EZH1: variants seen among roughly 807,000 people sequenced by gnomAD.
The protein encoded by EZH1 is histone-lysine N-methyltransferase EZH1.
In EZH1, 33 loss-of-function variants were observed where a neutral mutation model predicts 100.5. That is an observed-to-expected ratio of 0.33 (90% CI 0.25 to 0.44). The LOEUF (loss-of-function observed/expected upper bound fraction) is 0.44. Ranked by LOEUF, EZH1 falls within the 20% of genes least tolerant of loss-of-function variation. The pLI is 1.00. For synonymous variants in EZH1, 272 were observed against 313.8 expected, an observed-to-expected ratio of 0.87 and a Z score of 1.41; for missense variants, 475 against 928.4, an observed-to-expected ratio of 0.51 and a Z score of 6.35.
intron 5 of EZH1, 36 bp from the exon 6 acceptor site, chr17:42,722,951 C>A: frequency 6.2e-7 from 1 of 1,602,002 alleles, no homozygotes; most frequent in Non-Finnish European, 8.5e-7. Context: ...TTCCATGAAG[C>A]CATCATGCAT....
At chr17:42,743,469 C>CTT (rs756192995) in intron 1 of EZH1, among the ~76,000 whole-genome samples, 3 of 143,268 alleles carry the variant, frequency 2.1e-5, no homozygotes, top group Non-Finnish European at 3.1e-5. Context: ...CCGTGCCAGG[C>CTT]TTTTTTTTTT....
At chr17:42,738,727 C>T (rs1338005788) in intron 1 of EZH1, among the ~76,000 whole-genome samples, 1 of 148,358 alleles carries the variant, frequency 6.7e-6, no homozygotes, top group Non-Finnish European at 1.5e-5. Context: ...GCTGGGATTA[C>T]AGGCGTAAGC....
chr17:42,712,172 G>A (rs2053496419), intron 12 of EZH1, 117 bp downstream of exon 12: 1 of 1,115,382 alleles, frequency 9.0e-7, no homozygotes, highest in Non-Finnish European at 1.3e-6. Context: ...ATCAGGGACT[G>A]AACTTAAGAC....
intron 18 of EZH1, 47 bp downstream of exon 18, chr17:42,704,555 G>GA (rs536788076): frequency 0.084 from 88,523 of 1,051,078 alleles, 6 homozygotes; most frequent in East Asian, 0.099. Context: ...CTCAAAAAAA[G>GA]AAAAAAAAAA....
At chr17:42,742,576 T>C (rs185469586) in intron 1 of EZH1, among the ~76,000 whole-genome samples, 1 of 152,270 alleles carries the variant, frequency 6.6e-6, no homozygotes, top group African/African-American at 2.4e-5. Context: ...TTACTGACAA[T>C]ACTAGCATCC....
chr17:42,717,381 G>A (rs1010979771), intron 10 of EZH1, among the ~76,000 whole-genome samples: 5 of 152,162 alleles, frequency 3.3e-5, no homozygotes, highest in African/African-American at 1.2e-4. Context: ...AATTTTAATA[G>A]GTGGCAGAAA....
intron 10 of EZH1, 67 bp downstream of exon 10, chr17:42,717,909 G>A (rs777576569): frequency 1.9e-4 from 260 of 1,397,798 alleles, no homozygotes; most frequent in Non-Finnish European, 2.6e-4. Context: ...AGAGTGCTGT[G>A]TACTGGCTCA....
intron 10 of EZH1, among the ~76,000 whole-genome samples, chr17:42,714,863 T>C (rs2053560748): frequency 7.0e-6 from 1 of 142,724 alleles, no homozygotes; most frequent in African/African-American, 2.6e-5. Context: ...TATTTACATA[T>C]AATTTTTATA....
intron 1 of EZH1, among the ~76,000 whole-genome samples, chr17:42,736,096 G>A (rs890592225): frequency 1.3e-5 from 2 of 152,178 alleles, no homozygotes; most frequent in Non-Finnish European, 2.9e-5. Context: ...AAATGCAGAT[G>A]AAAAATACAA....
At chr17:42,729,870 T>A (rs1379999557) in intron 2 of EZH1, among the ~76,000 whole-genome samples, 1 of 151,892 alleles carries the variant, frequency 6.6e-6, no homozygotes, top group South Asian at 2.1e-4. Context: ...AAACCCCGTC[T>A]CTACTAAAAA....
chr17:42,725,173 A>AC (rs2053793872), intron 4 of EZH1, among the ~76,000 whole-genome samples: 1 of 152,220 alleles, frequency 6.6e-6, no homozygotes, highest in Non-Finnish European at 1.5e-5. Context: ...CTCAAAAAAA[A>AC]CAAAAACAAA....
rs58732756 is a variant in EZH1, at chr17:42,702,865, C to A, written c.2183+12G>T. The A allele has an allele frequency of 5.1e-3, 8,280 of 1,613,894 alleles. 378 individuals carry two copies. In the African/African-American group the frequency reaches 0.096, roughly 19 times the overall value. ...CTGGGCCACATCCCAAGGACCATTA[C>A]TGGCACCTCACCTGTAATCAAAGAA... is the stretch of plus-strand genomic sequence containing the variant. On this transcript the variant is annotated intron_variant, in intron 20 of 20. Coordinates refer to ENST00000428826, the MANE Select transcript of EZH1 (RefSeq NM_001991.5).
intron 4 of EZH1, chr17:42,724,700 C>G: frequency 3.7e-6 from 1 of 267,442 alleles, no homozygotes; most frequent in Non-Finnish European, 7.5e-6. Flanking sequence ...GTATGAGAAT[C>G]ACTTGAACCT....
chr17:42,729,013 T>TAA, intron 2 of EZH1, 61 bp from the exon 3 acceptor site: 26 of 1,168,224 alleles, frequency 2.2e-5, no homozygotes, highest in South Asian at 7.2e-5. Context: ...ATTCCTCAAA[T>TAA]ACAAAAAAAA....
At chr17:42,738,822 C>T (rs2054119552) in intron 1 of EZH1, among the ~76,000 whole-genome samples, 1 of 140,710 alleles carries the variant, frequency 7.1e-6, no homozygotes, top group South Asian at 2.3e-4. Context: ...TGCAGTGGTG[C>T]TATCTCAGCT....
In EZH1 at chr17:42,701,279, T is replaced by C. The variant is rs2053235137; in HGVS notation, c.*1253A>G. The C allele has an allele frequency of 6.5e-6, 1 of 152,750 alleles. No homozygotes were observed. The highest frequency in any genetic ancestry group is 2.4e-5 in the African/African-American group (1 of 41,436). 9.5% of individuals were successfully genotyped at this position (152,750 alleles called of 1,614,324 possible). ...CCTTAGGCCAAACTCTACCCCAATC[T>C]ATAGACCTTTTAAAAGAAATGGTTA... On this transcript the variant is annotated 3_prime_UTR_variant, in exon 21 of 21. Transcript: ENST00000428826.
At chr17:42,708,238 T>C (rs1159002862) in intron 14 of EZH1, 155 bp from the exon 15 acceptor site, 2 of 863,226 alleles carry the variant, frequency 2.3e-6, no homozygotes, top group African/African-American at 1.7e-5. Context: ...GGGATGACCG[T>C]TGTTCATAAG....
chr17:42,712,088 C>T (rs1045411898), intron 12 of EZH1, among the ~76,000 whole-genome samples: 29 of 152,236 alleles, frequency 1.9e-4, no homozygotes, highest in African/African-American at 6.0e-4. Context: ...AAGGAGGAGG[C>T]GGGTCCCCAA....
intron 10 of EZH1, among the ~76,000 whole-genome samples, chr17:42,714,967 T>A (rs1307209474): frequency 7.2e-6 from 1 of 138,700 alleles, no homozygotes; most frequent in African/African-American, 2.6e-5. Flanking sequence ...TATAAATATA[T>A]GAAATTTATA....
Sources: gnomAD v4.1 joint callset for allele counts (sites outside exome capture counted in the v4.1 genomes callset) on GRCh38, gnomAD v4.1.1 for gene constraint, MANE v1.5 for transcripts, NCBI Gene and HGNC (gene_info 2026-07-23, HGNC 2026-07-21) for gene names.